EFHC2: variants seen among roughly 807,000 people sequenced by gnomAD.
The protein encoded by EFHC2 is EF-hand domain-containing family member C2.
A neutral mutation model predicts 52.7 loss-of-function variants in EFHC2; 18 were observed. That is an observed-to-expected ratio of 0.34 (90% CI 0.24 to 0.51). The LOEUF is 0.51. EFHC2 is among the 20% of genes least tolerant of loss of function. EFHC2 has a pLI of 0.97. For missense variants in EFHC2, 513 were observed against 562.5 expected (o/e 0.91, Z 0.89); for synonymous variants, 203 against 204.1 (o/e 0.99, Z 0.04).
At chrX:44,310,036 G>A (rs1569305933) in intron 2 of EFHC2, 1 of 908,439 alleles carries the variant, frequency 1.1e-6, no homozygotes, top group Non-Finnish European at 1.6e-6. Flanking sequence ...TGGCTAAATC[G>A]CTCCACCAAA....
intron 4 of EFHC2, among the ~76,000 whole-genome samples, chrX:44,258,932 T>G (rs1273341394): frequency 1.8e-5 from 2 of 110,587 alleles, no homozygotes; most frequent in Non-Finnish European, 3.8e-5. Context: ...GAAATAGGAA[T>G]GCTTTTACAC....
chrX:44,237,801 C>T lies in EFHC2; in HGVS notation c.1281-2354G>A, dbSNP rs376667125. 2.2e-4 allele frequency among the ~76,000 whole-genome samples: 25 copies of T among 111,433 alleles called. No individual in the cohort carries two copies. In the East Asian group the frequency reaches 2.8e-3, roughly 13 times the overall value. On this transcript the variant is annotated intron_variant, in intron 8 of 14. Coordinates refer to ENST00000420999, the MANE Select transcript of EFHC2 (RefSeq NM_025184.4). ...TGTGCTCCTACCTCCTTGTTTGCTC[C>T]TTTTTAGTCTCCTTTGTTGGTTCCT...
chrX:44,307,680 T>C (rs113254342), intron 2 of EFHC2, among the ~76,000 whole-genome samples: 2,297 of 111,678 alleles, frequency 0.021, 53 homozygotes, highest in African/African-American at 0.07. Context: ...ATGCCTGTAA[T>C]CCCAGCACTT....
intron 1 of EFHC2, among the ~76,000 whole-genome samples, chrX:44,338,375 T>A (rs2038129427): frequency 9.1e-6 from 1 of 109,936 alleles, no homozygotes; most frequent in African/African-American, 3.3e-5. Flanking sequence ...GTGGTGCATG[T>A]CTGTAGTCCT....
At chrX:44,277,790 G>A (rs1415867048) in intron 2 of EFHC2, among the ~76,000 whole-genome samples, 1 of 110,174 alleles carries the variant, frequency 9.1e-6, no homozygotes, top group Admixed American at 9.7e-5. Flanking sequence ...AGTGTATAAT[G>A]TACCTATAAA....
At chrX:44,187,814 T>G (rs1289454222) in intron 11 of EFHC2, among the ~76,000 whole-genome samples, 1 of 109,709 alleles carries the variant, frequency 9.1e-6, no homozygotes, top group Non-Finnish European at 1.9e-5. Flanking sequence ...AAATAAAAAT[T>G]TAAAAGAAAC....
chrX:44,216,637 G>A (rs1389349125), intron 11 of EFHC2, among the ~76,000 whole-genome samples: 2 of 111,386 alleles, frequency 1.8e-5, no homozygotes, highest in African/African-American at 6.5e-5. Flanking sequence ...ATCAATAAAT[G>A]GTGCTAGGAA....
chrX:44,251,703 A>T (rs1389063680), intron 4 of EFHC2, among the ~76,000 whole-genome samples: 1 of 105,989 alleles, frequency 9.4e-6, no homozygotes, highest in East Asian at 2.9e-4. Flanking sequence ...GACTTTTCAA[A>T]AAGATTTAAA....
chrX:44,275,952 A>G (rs2037654506), intron 2 of EFHC2, among the ~76,000 whole-genome samples: 1 of 109,075 alleles, frequency 9.2e-6, no homozygotes, highest in African/African-American at 3.3e-5. Context: ...AAGGTCCTAG[A>G]GGATGTAATT....
chrX:44,343,444 C>T, intron 1 of EFHC2, 103 bp downstream of exon 1: 1 of 1,045,644 alleles, frequency 9.6e-7, no homozygotes, highest in Non-Finnish European at 1.3e-6. Flanking sequence ...AGGGCAGCAG[C>T]ATGGGGCCTC....
chrX:44,290,132 C>G (rs1358509688), intron 2 of EFHC2, among the ~76,000 whole-genome samples: 1 of 112,069 alleles, frequency 8.9e-6, no homozygotes, highest in African/African-American at 3.2e-5. Flanking sequence ...TCCAACCTGC[C>G]ATCATCTCAT....
chrX:44,215,530 G>GC (rs1491195330), intron 11 of EFHC2, among the ~76,000 whole-genome samples: 1 of 82,987 alleles, frequency 1.2e-5, no homozygotes, highest in Non-Finnish European at 2.4e-5. Flanking sequence ...TACTTCCATT[G>GC]GGGGGGGGTG....
At chrX:44,328,046 A>C (rs1342299586) in intron 1 of EFHC2, among the ~76,000 whole-genome samples, 2 of 111,720 alleles carry the variant, frequency 1.8e-5, no homozygotes, top group Admixed American at 1.9e-4. Context: ...AATTCAACTT[A>C]AGGCACCAAT....
At chrX:44,328,126 G>C (rs1024733173) in intron 1 of EFHC2, among the ~76,000 whole-genome samples, 13 of 111,652 alleles carry the variant, frequency 1.2e-4, no homozygotes, top group Non-Finnish European at 1.9e-4. Context: ...GCTGATTCGT[G>C]CAGCCATTCC....
At chrX:44,340,191 T>C (rs2038143550) in intron 1 of EFHC2, among the ~76,000 whole-genome samples, 1 of 111,439 alleles carries the variant, frequency 9.0e-6, no homozygotes, top group East Asian at 2.8e-4. Flanking sequence ...CCAAAAATTA[T>C]TCATCAAAAA....
intron 1 of EFHC2, among the ~76,000 whole-genome samples, chrX:44,315,313 A>G (rs970292292): frequency 5.9e-4 from 65 of 110,123 alleles, no homozygotes; most frequent in African/African-American, 2.0e-3. Context: ...TTTTTTTTTA[A>G]TAAATTACCC....
intron 2 of EFHC2, among the ~76,000 whole-genome samples, chrX:44,288,948 G>A (rs1207242702): frequency 2.7e-5 from 3 of 111,629 alleles, no homozygotes; most frequent in East Asian, 2.8e-4. Context: ...AAATACAAAC[G>A]TATTACAAAA....
chrX:44,226,732 CG>C (rs2147317486), intron 11 of EFHC2, among the ~76,000 whole-genome samples: 1 of 108,558 alleles, frequency 9.2e-6, no homozygotes, highest in Non-Finnish European at 1.9e-5. Context: ...CATCATACAC[CG>C]GGGCCTGTCG....
chrX:44,288,907 GATTTA>G (rs1371330528), intron 2 of EFHC2, among the ~76,000 whole-genome samples: 1 of 111,797 alleles, frequency 8.9e-6, no homozygotes, highest in Non-Finnish European at 1.9e-5. Flanking sequence ...TGTATACATA[GATTTA>G]ATTTGATAAA....
Sources: gnomAD v4.1 joint callset for allele counts (sites outside exome capture counted in the v4.1 genomes callset) on GRCh38, gnomAD v4.1.1 for gene constraint, MANE v1.5 for transcripts, NCBI Gene and HGNC (gene_info 2026-07-23, HGNC 2026-07-21) for gene names.